The following PPP2CA variants were observed in gnomAD, a reference collection of about 807,000 sequenced individuals.
The protein encoded by PPP2CA is protein phosphatase 2 catalytic subunit alpha, also known as serine/threonine-protein phosphatase 2A catalytic subunit alpha isoform.
In PPP2CA, 5 loss-of-function variants were observed where a neutral mutation model predicts 38.8. The ratio of observed to expected loss-of-function variants is 0.13; its 90% CI spans 0.07 to 0.27. The LOEUF is 0.27. Among genes scored for constraint, PPP2CA ranks in the 10% least tolerant of loss-of-function variants. PPP2CA has a pLI of 1.00. For missense variants in PPP2CA, 88 were observed against 389.7 expected, an observed-to-expected ratio of 0.23 and a Z score of 6.52; for synonymous variants, 152 against 134.0, an observed-to-expected ratio of 1.13 and a Z score of -0.93.
At chr5:134,213,934 G>T (rs780677581) in intron 1 of PPP2CA, among the ~76,000 whole-genome samples, 5 of 152,138 alleles carry the variant, frequency 3.3e-5, no homozygotes, top group Non-Finnish European at 7.4e-5. Context: ...TTTGGGACCA[G>T]CCTGGCCAAC....
intron 1 of PPP2CA, among the ~76,000 whole-genome samples, chr5:134,212,104 G>A (rs919356379): frequency 1.0e-4 from 11 of 110,102 alleles, no homozygotes; most frequent in African/African-American, 2.9e-4. Flanking sequence ...GGGTGACAGT[G>A]AGACTCCATC....
intron 4 of PPP2CA, 86 bp downstream of exon 4, chr5:134,200,899 A>C: frequency 1.8e-6 from 2 of 1,104,822 alleles, no homozygotes; most frequent in South Asian, 1.3e-5. Context: ...GAATTATATG[A>C]GAGAATACAT....
At chr5:134,210,074 A>T (rs993085700) in intron 1 of PPP2CA, among the ~76,000 whole-genome samples, 1 of 151,330 alleles carries the variant, frequency 6.6e-6, no homozygotes. Context: ...AGCCGTGATC[A>T]TACCACTGCA....
chr5:134,216,008 G>A (rs1053871781), intron 1 of PPP2CA, among the ~76,000 whole-genome samples: 3 of 152,128 alleles, frequency 2.0e-5, no homozygotes, highest in Non-Finnish European at 2.9e-5. Flanking sequence ...CTACACTCCA[G>A]GGAAAACACC....
chr5:134,218,127 C>T (rs1487008790), intron 1 of PPP2CA, among the ~76,000 whole-genome samples: 1 of 152,214 alleles, frequency 6.6e-6, no homozygotes, highest in African/African-American at 2.4e-5. Context: ...ACTTGTCTTT[C>T]ATTAACTACA....
At chr5:134,214,264 G>A (rs1221666373) in intron 1 of PPP2CA, among the ~76,000 whole-genome samples, 1 of 152,096 alleles carries the variant, frequency 6.6e-6, no homozygotes, top group East Asian at 1.9e-4. Flanking sequence ...TACCCACACA[G>A]ACCTCTTACT....
In PPP2CA at chr5:134,197,503, A is replaced by G. The variant is rs898102949; in HGVS notation, c.*269T>C. The G allele has an allele frequency of 4.5e-6, 2 of 444,140 alleles. No individual in the cohort carries two copies. The highest frequency in any genetic ancestry group is 3.5e-5 in the Admixed American group (1 of 28,660). The allele number at this position is 444,140 out of a possible 1,614,324, so 27.5% of individuals were successfully genotyped here. A position where few individuals can be genotyped will look rare whatever the true frequency, so the allele number is the denominator to read the frequency against. On this transcript the variant is annotated 3_prime_UTR_variant, in exon 7 of 7. Transcript: ENST00000481195. ...TATCTGCAGTCTCTCAGAGAAAGCAAAAGTAACTACAAATAGCGCTATGCC... is the reference window on the plus strand; with the variant it reads ...TATCTGCAGTCTCTCAGAGAAAGCAGAAGTAACTACAAATAGCGCTATGCC...
intron 1 of PPP2CA, among the ~76,000 whole-genome samples, chr5:134,219,729 A>G (rs1180339797): frequency 6.6e-6 from 1 of 152,096 alleles, no homozygotes; most frequent in Admixed American, 6.6e-5. Flanking sequence ...TTAAGCAGTT[A>G]GCTGGGCACA....
chr5:134,199,216 A>T lies in PPP2CA; in HGVS notation c.739-12T>A. On this transcript the variant is annotated splice_polypyrimidine_tract_variant and intron_variant, in intron 5 of 6. Coordinates refer to ENST00000481195, the MANE Select transcript of PPP2CA (RefSeq NM_002715.4). ...CACCAGTTATATCCCTGCAAGGAAA[A>T]GGAGACAAAAATCTTACTTTACTCC... is the stretch of plus-strand genomic sequence containing the variant. 1 of 1,589,338 alleles carries T rather than the reference A, an allele frequency of 6.3e-7. No homozygotes were observed. Among genetic ancestry groups the T allele is most frequent in the Non-Finnish European group, 8.6e-7 (1 of 1,158,060 alleles).
chr5:134,222,369 T>A (rs957202093), intron 1 of PPP2CA, among the ~76,000 whole-genome samples: 1 of 152,162 alleles, frequency 6.6e-6, no homozygotes, highest in Non-Finnish European at 1.5e-5. Context: ...CATATAAGAA[T>A]GTCATCTTGG....
intron 1 of PPP2CA, among the ~76,000 whole-genome samples, chr5:134,219,711 T>C (rs899260643): frequency 4.6e-5 from 7 of 152,084 alleles, no homozygotes; most frequent in African/African-American, 1.7e-4. Context: ...TACTGCAATG[T>C]GAAGAAGTTA....
chr5:134,210,493 A>G (rs1449750088), intron 1 of PPP2CA, among the ~76,000 whole-genome samples: 1 of 152,178 alleles, frequency 6.6e-6, no homozygotes, highest in East Asian at 1.9e-4. Flanking sequence ...AGGACCTCAA[A>G]TTTCTTAGCT....
chr5:134,215,327 C>CG (rs1353773935), intron 1 of PPP2CA, among the ~76,000 whole-genome samples: 2 of 151,926 alleles, frequency 1.3e-5, no homozygotes, highest in African/African-American at 4.8e-5. Context: ...CCCAGCACTT[C>CG]GGGAGGCCGA....
chr5:134,225,937 C>T lies in PPP2CA; in HGVS notation c.-76G>A. 1.5e-6 allele frequency: 2 copies of T among 1,332,942 alleles called. No homozygotes were observed. The highest frequency in any genetic ancestry group is 1.0e-6 in the Non-Finnish European group (1 of 958,336). 82.6% of individuals were successfully genotyped at this position (1,332,942 alleles called of 1,614,324 possible). A position where few individuals can be genotyped will look rare whatever the true frequency, so the allele number is the denominator to read the frequency against. ...GCCCGCACACGGGCCTACACGCACA[C>T]GCCGCCGCCGGTTCCTCGTGTACTT... is the stretch of plus-strand genomic sequence containing the variant. On this transcript the variant is annotated 5_prime_UTR_variant, in exon 1 of 7. In the 5' UTR this introduces an upstream ATG that the reference lacks. Transcript: ENST00000481195.
At chr5:134,201,725 T>C in intron 3 of PPP2CA, 123 bp downstream of exon 3, 1 of 1,072,396 alleles carries the variant, frequency 9.3e-7, no homozygotes, top group Non-Finnish European at 1.3e-6. Context: ...GAATGAATGC[T>C]ATCAATATCT....
intron 1 of PPP2CA, among the ~76,000 whole-genome samples, chr5:134,215,797 C>T (rs1040143244): frequency 1.3e-5 from 2 of 152,156 alleles, no homozygotes; most frequent in Non-Finnish European, 2.9e-5. Flanking sequence ...CCTAAGCAGA[C>T]TCTCACTCCC....
At chr5:134,205,053 A>T (rs1762049531) in intron 2 of PPP2CA, among the ~76,000 whole-genome samples, 1 of 151,086 alleles carries the variant, frequency 6.6e-6, no homozygotes, top group Admixed American at 6.6e-5. Context: ...TGCCCACCTC[A>T]GCCTGAGTAG....
intron 6 of PPP2CA, 56 bp from the exon 7 acceptor site, chr5:134,197,900 T>A: frequency 1.4e-6 from 2 of 1,441,518 alleles, no homozygotes; most frequent in Non-Finnish European, 2.0e-6. Context: ...GTAGTGACAA[T>A]CAAGATCAAG....
intron 2 of PPP2CA, 62 bp downstream of exon 2, chr5:134,205,860 A>G: frequency 7.0e-7 from 1 of 1,438,210 alleles, no homozygotes; most frequent in Non-Finnish European, 9.7e-7. Flanking sequence ...CTGGGGGAAA[A>G]AAAACTTTCA....
Sources: allele counts gnomAD v4.1 joint callset (sites outside exome capture counted in the v4.1 genomes callset), GRCh38; gene constraint gnomAD v4.1.1; transcripts MANE v1.5; gene names NCBI Gene and HGNC (gene_info 2026-07-23, HGNC 2026-07-21).